The following ARL14EPL variants were observed in gnomAD, a reference collection of about 807,000 sequenced individuals.
ARL14EPL encodes ARF like GTPase 14 effector protein like.
ARL14EPL carries 17 observed loss-of-function variants against 15.9 expected under a neutral mutation model. That is an observed-to-expected ratio of 1.07 (90% CI 0.73 to 1.60). The LOEUF (loss-of-function observed/expected upper bound fraction) is 1.60, where lower values mean the gene tolerates loss of function less well. Among genes scored for constraint, ARL14EPL ranks in the 40% most tolerant of loss-of-function variants. The pLI is 0.00. For synonymous variants in ARL14EPL, 78 were observed against 63.8 expected (o/e 1.22, Z -1.06); for missense variants, 214 against 185.9 (o/e 1.15, Z -0.88).
chr5:116,034,614 T>C (rs11241350), intron 1 of ARL14EPL, among the ~76,000 whole-genome samples: 14,139 of 152,168 alleles, frequency 0.093, 1,112 homozygotes, highest in East Asian at 0.2. Context: ...CTAGAAGTAG[T>C]ACAACGAAGT....
intron 1 of ARL14EPL, 151 bp from the exon 2 acceptor site, chr5:116,051,306 C>T (rs1749372145): frequency 6.8e-6 from 4 of 586,536 alleles, no homozygotes; most frequent in Non-Finnish European, 1.2e-5. Context: ...CAAGGTTTAA[C>T]AGTGAGTGGG....
intron 3 of ARL14EPL, among the ~76,000 whole-genome samples, chr5:116,055,209 T>C (rs764555476): frequency 2.0e-5 from 3 of 152,180 alleles, no homozygotes; most frequent in Non-Finnish European, 2.9e-5. Flanking sequence ...GATGAAGCTA[T>C]GAGATATGAA....
At chr5:116,040,810 A>C (rs1236535876) in intron 1 of ARL14EPL, among the ~76,000 whole-genome samples, 1 of 140,020 alleles carries the variant, frequency 7.1e-6, no homozygotes, top group African/African-American at 2.9e-5. Context: ...CTCTACTAAA[A>C]ATACAAAAAA....
At chr5:116,048,345 T>C (rs1749311877) in intron 1 of ARL14EPL, among the ~76,000 whole-genome samples, 1 of 152,142 alleles carries the variant, frequency 6.6e-6, no homozygotes, top group African/African-American at 2.4e-5. Context: ...CTGGGAACTG[T>C]TGTTTCTCAT....
At position 116,059,093 on chromosome 5, in the gene ARL14EPL, A is replaced by C; in HGVS notation, c.*146A>C. On this transcript the variant is annotated 3_prime_UTR_variant, in exon 4 of 4. Transcript: ENST00000686077. ...CTGTCAAGCCCCAGAACAATGTAGA[A>C]TGGGCAATAATTCTGTAACCTTCTT... is the stretch of plus-strand genomic sequence containing the variant. 1 of 747,324 alleles carries C rather than the reference A, an allele frequency of 1.3e-6. No homozygotes were observed. Among genetic ancestry groups the C allele is most frequent in the Non-Finnish European group, 2.1e-6 (1 of 468,552 alleles). The allele number at this position is 747,324 out of a possible 1,614,324, so 46.3% of individuals were successfully genotyped here.
At chr5:116,052,137 C>T (rs1479954836) in intron 2 of ARL14EPL, 1 of 1,612,150 alleles carries the variant, frequency 6.2e-7, no homozygotes, top group African/African-American at 1.3e-5. Context: ...GTAGCTTTGT[C>T]AAACAAGACT....
intron 2 of ARL14EPL, among the ~76,000 whole-genome samples, chr5:116,052,909 A>G (rs1223097318): frequency 6.6e-6 from 1 of 152,162 alleles, no homozygotes; most frequent in Non-Finnish European, 1.5e-5. Flanking sequence ...TTCTTCTACA[A>G]TCCTTCAAAA....
At chr5:116,058,646 A>G (rs1749574939) in intron 3 of ARL14EPL, 79 bp from the exon 4 acceptor site, 1 of 1,330,996 alleles carries the variant, frequency 7.5e-7, no homozygotes, top group Non-Finnish European at 1.0e-6. Context: ...CATGTGTATG[A>G]TGTTGATTGT....
intron 1 of ARL14EPL, among the ~76,000 whole-genome samples, chr5:116,050,002 T>A (rs933390424): frequency 1.3e-5 from 2 of 152,210 alleles, no homozygotes; most frequent in Admixed American, 1.3e-4. Context: ...ATGTGTTTAT[T>A]TTGTATACAT....
In ARL14EPL at chr5:116,058,804, C is replaced by G. The variant is rs1192718637; in HGVS notation, c.316C>G (p.Leu106Val). 1 of 1,536,030 alleles carries G rather than the reference C, an allele frequency of 6.5e-7. No individual in the cohort carries two copies. The highest frequency in any genetic ancestry group is 2.0e-5 in the Admixed American group (1 of 51,004). Residue 106 changes from leucine (L) to valine (V), a missense_variant, in exon 4 of 4, where the codon CTG becomes GTG. Leu to Val is a conservative substitution (Grantham distance 32). Transcript: ENST00000686077. Reference protein sequence around the residue: ...DLCDCLEKNCLGCFYPCPKCN... With the variant: ...DLCDCLEKNCVGCFYPCPKCN... ...GTGTGATTGTCTAGAGAAGAACTGC[C>G]TGGGCTGCTTCTACCCATGCCCGAA...
In ARL14EPL at chr5:116,058,716, C is replaced by T. The variant is rs1436495338; in HGVS notation, c.237-9C>T. ...ACTGTCATCTTAATGTCATGCTTTT[C>T]CTTTGTAGAATAATGAGGAAGTATG... On this transcript the variant is annotated splice_polypyrimidine_tract_variant and intron_variant, in intron 3 of 3. Coordinates refer to ENST00000686077, the MANE Select transcript of ARL14EPL (RefSeq NM_001195581.2). 2 of 1,533,026 alleles carry T rather than the reference C, an allele frequency of 1.3e-6. No individual in the cohort carries two copies. The highest frequency in any genetic ancestry group is 2.0e-5 in the Admixed American group (1 of 50,992). The allele number at this position is 1,533,026 out of a possible 1,614,324, so 95.0% of individuals were successfully genotyped here. A position where few individuals can be genotyped will look rare whatever the true frequency, so the allele number is the denominator to read the frequency against.
intron 1 of ARL14EPL, among the ~76,000 whole-genome samples, chr5:116,042,731 T>A (rs956582584): frequency 3.9e-5 from 6 of 152,178 alleles, no homozygotes; most frequent in Non-Finnish European, 5.9e-5. Context: ...CCTGGATACT[T>A]ATAACTTCCA....
chr5:116,043,014 G>T (rs1181443139), intron 1 of ARL14EPL, among the ~76,000 whole-genome samples: 22 of 151,926 alleles, frequency 1.4e-4, no homozygotes, highest in Admixed American at 1.4e-3. Context: ...ACTTGGGGAT[G>T]TACTATAGTT....
chr5:116,034,263 G>C (rs914252150), intron 1 of ARL14EPL, among the ~76,000 whole-genome samples: 1 of 152,188 alleles, frequency 6.6e-6, no homozygotes, highest in African/African-American at 2.4e-5. Context: ...ACAATCCTTA[G>C]TGATGCCAGG....
chr5:116,041,305 A>G (rs543904278), intron 1 of ARL14EPL, among the ~76,000 whole-genome samples: 1 of 152,296 alleles, frequency 6.6e-6, no homozygotes, highest in South Asian at 2.1e-4. Flanking sequence ...TCACTGCTTT[A>G]TTATTATTTT....
chr5:116,048,046 A>G (rs1488283711), intron 1 of ARL14EPL, among the ~76,000 whole-genome samples: 1 of 152,136 alleles, frequency 6.6e-6, no homozygotes, highest in Non-Finnish European at 1.5e-5. Flanking sequence ...TTCTATTCTG[A>G]CCCAAGCCTG....
chr5:116,039,854 CTT>C (rs541127005), intron 1 of ARL14EPL, among the ~76,000 whole-genome samples: 35 of 152,228 alleles, frequency 2.3e-4, no homozygotes, highest in African/African-American at 7.7e-4. Context: ...AGGTTGAAAA[CTT>C]AGAAGAAATG....
At chr5:116,041,656 C>G (rs1749160562) in intron 1 of ARL14EPL, among the ~76,000 whole-genome samples, 2 of 152,072 alleles carry the variant, frequency 1.3e-5, no homozygotes, top group African/African-American at 4.8e-5. Context: ...CCTAGACAAC[C>G]CCTGACACCC....
At chr5:116,053,452 T>C (rs1220202113) in intron 2 of ARL14EPL, among the ~76,000 whole-genome samples, 1 of 152,114 alleles carries the variant, frequency 6.6e-6, no homozygotes, top group African/African-American at 2.4e-5. Flanking sequence ...TTTCTCTTGT[T>C]CCAATCTGGC....
Sources: gnomAD v4.1 joint callset for allele counts (sites outside exome capture counted in the v4.1 genomes callset) on GRCh38, gnomAD v4.1.1 for gene constraint, MANE v1.5 for transcripts, NCBI Gene and HGNC (gene_info 2026-07-23, HGNC 2026-07-21) for gene names.